The following UCMA variants were observed in gnomAD, a reference collection of about 807,000 sequenced individuals.
The protein encoded by UCMA is upper zone of growth plate and cartilage matrix-associated protein.
A neutral mutation model predicts 21.8 loss-of-function variants in UCMA; 21 were observed. The ratio of observed to expected loss-of-function variants is 0.97; its 90% CI spans 0.68 to 1.39. The LOEUF (loss-of-function observed/expected upper bound fraction) is 1.39. Among genes scored for constraint, UCMA ranks in the 40% most tolerant of loss-of-function variants. UCMA has a pLI of 0.00. For synonymous variants in UCMA, 76 were observed against 67.9 expected, an observed-to-expected ratio of 1.12 and a Z score of -0.58; for missense variants, 193 against 178.9, an observed-to-expected ratio of 1.08 and a Z score of -0.45.
intron 4 of UCMA, among the ~76,000 whole-genome samples, chr10:13,224,466 T>G (rs1047168771): frequency 6.6e-6 from 1 of 152,154 alleles, no homozygotes; most frequent in African/African-American, 2.4e-5. Context: ...AGTTTTATGT[T>G]GTGTGTGTTT....
At chr10:13,227,965 A>G (rs1834845931) in intron 4 of UCMA, among the ~76,000 whole-genome samples, 1 of 151,874 alleles carries the variant, frequency 6.6e-6, no homozygotes, top group Non-Finnish European at 1.5e-5. Context: ...CACAGCCAGC[A>G]CTTTCTAAGA....
At chr10:13,222,383 T>A (rs2131600783) in intron 4 of UCMA, among the ~76,000 whole-genome samples, 183 bp from the exon 5 acceptor site, 1 of 152,242 alleles carries the variant, frequency 6.6e-6, no homozygotes, top group African/African-American at 2.4e-5. Flanking sequence ...GCCTTGTGTA[T>A]AAGTCAGGCC....
intron 4 of UCMA, among the ~76,000 whole-genome samples, chr10:13,222,723 G>A (rs995885819): frequency 6.6e-6 from 1 of 151,606 alleles, no homozygotes; most frequent in African/African-American, 2.4e-5. Context: ...CGGGGTCTCA[G>A]TCTGTCACCC....
intron 3 of UCMA, among the ~76,000 whole-genome samples, chr10:13,231,262 C>T (rs1425026499): frequency 6.6e-6 from 1 of 152,098 alleles, no homozygotes; most frequent in South Asian, 2.1e-4. Context: ...TACTTAGTTG[C>T]AGGAAACTTG....
intron 3 of UCMA, among the ~76,000 whole-genome samples, chr10:13,231,911 C>A (rs978687070): frequency 1.3e-5 from 2 of 152,156 alleles, no homozygotes; most frequent in African/African-American, 4.8e-5. Context: ...GCACTGCCCT[C>A]CTGCTATCCA....
rs1354380674 is a variant in UCMA at position 13,233,436 on chromosome 10, C to T, written c.220+102G>A. ...TACCCTGGGGTGAGCCCTTCGTGCC[C>T]AGCTGCATCCTGCTGCCCGGCTGAC... is the stretch of plus-strand genomic sequence containing the variant. On this transcript the variant is annotated intron_variant, in intron 3 of 4. Coordinates refer to ENST00000378681, the MANE Select transcript of UCMA (RefSeq NM_145314.3). 6.5e-6 allele frequency: 6 copies of T among 928,144 alleles called. 1 individual carries two copies. Among genetic ancestry groups the T allele is most frequent in the East Asian group, 4.8e-5 (2 of 41,646 alleles). 57.5% of individuals were successfully genotyped at this position (928,144 alleles called of 1,614,324 possible). A position where few individuals can be genotyped will look rare whatever the true frequency, so the allele number is the denominator to read the frequency against.
chr10:13,229,542 A>G, intron 4 of UCMA, 69 bp downstream of exon 4: 1 of 1,400,564 alleles, frequency 7.1e-7, no homozygotes, highest in Non-Finnish European at 9.9e-7. Context: ...GTAGAAGAAG[A>G]GAAAGCAAAC....
At chr10:13,231,016 C>T (rs1329973828) in intron 3 of UCMA, among the ~76,000 whole-genome samples, 1 of 152,070 alleles carries the variant, frequency 6.6e-6, no homozygotes, top group Non-Finnish European at 1.5e-5. Context: ...CACTGCACTC[C>T]AGCCTGGGCA....
chr10:13,229,222 G>A (rs1324881230), intron 4 of UCMA, among the ~76,000 whole-genome samples: 1 of 152,012 alleles, frequency 6.6e-6, no homozygotes, highest in African/African-American at 2.4e-5. Flanking sequence ...AGGCATGAGC[G>A]ACTGCGCCCG....
At chr10:13,227,743 T>TACACACACACACACACACAC (rs55831241) in intron 4 of UCMA, among the ~76,000 whole-genome samples, 39 of 110,690 alleles carry the variant, frequency 3.5e-4, no homozygotes, top group Admixed American at 1.4e-3. Context: ...GGAAAGGAAA[T>TACACACACACACACACACAC]ACACACACAC....
rs576110999 is a variant in UCMA at position 13,222,258 on chromosome 10, G to A, written c.320-58C>T. The A allele has an allele frequency of 3.9e-6, 6 of 1,530,156 alleles. No individual in the cohort carries two copies. The African/African-American group carries it at 6.8e-5, about 17-fold the overall frequency. 94.8% of individuals were successfully genotyped at this position (1,530,156 alleles called of 1,614,324 possible). A position where few individuals can be genotyped will look rare whatever the true frequency, so the allele number is the denominator to read the frequency against. On this transcript the variant is annotated intron_variant, in intron 4 of 4. Coordinates refer to ENST00000378681, the MANE Select transcript of UCMA (RefSeq NM_145314.3). Reference sequence around the variant, plus strand: ...CAGGGGGACTCTGACCTGCCACTGAGCCCAGCAGCCATCAGCCGAACCCCT... The same window carrying A: ...CAGGGGGACTCTGACCTGCCACTGAACCCAGCAGCCATCAGCCGAACCCCT...
Position 13,223,657 on chromosome 10 carries a change from G to A in UCMA, c.320-1457C>T, listed in dbSNP as rs111966456. 3.3e-5 allele frequency among the ~76,000 whole-genome samples: 5 copies of A among 152,216 alleles called. 2 individuals carry two copies. Among genetic ancestry groups the A allele is most frequent in the African/African-American group, 1.2e-4 (5 of 41,542 alleles). ...TAACCTCCGCCTCCCAGGTTCAAGC[G>A]ATTCTCCTGCCTCCACCTGGAGTAG... is the stretch of plus-strand genomic sequence containing the variant. On this transcript the variant is annotated intron_variant, in intron 4 of 4. Transcript: ENST00000378681.
intron 4 of UCMA, among the ~76,000 whole-genome samples, chr10:13,222,939 G>A (rs1834777073): frequency 6.6e-6 from 1 of 151,758 alleles, no homozygotes; most frequent in Non-Finnish European, 1.5e-5. Flanking sequence ...AAAGTGCTGT[G>A]ATTGGCCAGG....
chr10:13,226,956 T>C (rs906184666), intron 4 of UCMA, among the ~76,000 whole-genome samples: 1 of 152,212 alleles, frequency 6.6e-6, no homozygotes, highest in Non-Finnish European at 1.5e-5. Context: ...AATGCTATTT[T>C]AATAGTATGA....
rs1475816434 is a variant in UCMA at position 13,234,265 on chromosome 10, A to T, written c.-7T>A. On this transcript the variant is annotated 5_prime_UTR_variant, in exon 1 of 5. Transcript: ENST00000378681. ...CGGCCTGTCTCCAAGTCATCTTTGCAGAGGTAGGGGCTCCGTCCAGGACCC... is the reference window on the plus strand; with the variant it reads ...CGGCCTGTCTCCAAGTCATCTTTGCTGAGGTAGGGGCTCCGTCCAGGACCC... 3 of 1,613,638 alleles carry T rather than the reference A, an allele frequency of 1.9e-6. No homozygotes were observed. Among genetic ancestry groups the T allele is most frequent in the Admixed American group, 3.3e-5 (2 of 59,990 alleles).
At position 13,221,998 on chromosome 10, in the gene UCMA, A is replaced by G; in HGVS notation, c.*105T>C. ...GAGCTGCTGGCCACTGCAGACCCCA[A>G]GCTGAGACCCTCTGAAGGGCCGGTT... On this transcript the variant is annotated 3_prime_UTR_variant, in exon 5 of 5. Coordinates refer to ENST00000378681, the MANE Select transcript of UCMA (RefSeq NM_145314.3). 8.3e-7 allele frequency: 1 copy of G among 1,211,762 alleles called. No individual in the cohort carries two copies. The highest frequency in any genetic ancestry group is 1.2e-6 in the Non-Finnish European group (1 of 834,334). The allele number at this position is 1,211,762 out of a possible 1,614,324, so 75.1% of individuals were successfully genotyped here.
At position 13,234,219 on chromosome 10, in the gene UCMA, C is replaced by T. The variant is rs530455154; in HGVS notation, c.40G>A (p.Ala14Thr). 1.6e-5 allele frequency: 26 copies of T among 1,613,272 alleles called. 1 individual carries two copies. The highest frequency in any genetic ancestry group is 5.4e-5 in the African/African-American group (4 of 74,608). Residue 14 changes from alanine (A) to threonine (T), a missense_variant, in exon 1 of 5, where the codon GCC becomes ACC. Transcript: ENST00000378681. ...RQAVLLSCFS[A>T]VVLLSMLREG... The stretch of plus-strand genomic sequence containing the variant: ...TACTCACTAGACAGGAGCACCACGG[C>T]GGAGAAGCAAGACAGCAGGACGGCC...
At chr10:13,227,643 G>A (rs1340902412) in intron 4 of UCMA, among the ~76,000 whole-genome samples, 5 of 150,408 alleles carry the variant, frequency 3.3e-5, no homozygotes, top group Admixed American at 2.0e-4. Flanking sequence ...ACTTGAACTC[G>A]GAGCGGGAGG....
At chr10:13,233,926 C>T in intron 1 of UCMA, 126 bp from the exon 2 acceptor site, 1 of 1,208,402 alleles carries the variant, frequency 8.3e-7, no homozygotes, top group Non-Finnish European at 1.1e-6. Flanking sequence ...CGTGGTTTCT[C>T]ACGTACCAGC....
Sources: gnomAD v4.1 joint callset for allele counts (sites outside exome capture counted in the v4.1 genomes callset) on GRCh38, gnomAD v4.1.1 for gene constraint, MANE v1.5 for transcripts, NCBI Gene and HGNC (gene_info 2026-07-23, HGNC 2026-07-21) for gene names.